VAV3: variants seen among roughly 807,000 people sequenced by gnomAD.
VAV3 encodes vav guanine nucleotide exchange factor 3, also known as guanine nucleotide exchange factor VAV3.
A neutral mutation model predicts 131.2 loss-of-function variants in VAV3; 94 were observed. The observed-to-expected ratio is 0.72, with a 90% CI of 0.61 to 0.85. The LOEUF (loss-of-function observed/expected upper bound fraction) is 0.85. Ranked by LOEUF, VAV3 falls within the 40% of genes least tolerant of loss-of-function variation. The pLI, the probability that VAV3 is intolerant of heterozygous loss-of-function variation, is 0.00. For synonymous variants in VAV3, 349 were observed against 342.0 expected (o/e 1.02, Z -0.22); for missense variants, 939 against 1,002.7 (o/e 0.94, Z 0.86).
chr1:107,851,538 T>C (rs1256606538), intron 2 of VAV3, among the ~76,000 whole-genome samples: 1 of 152,202 alleles, frequency 6.6e-6, no homozygotes, highest in Admixed American at 6.5e-5. Context: ...AACAAGATTT[T>C]CATATTTATT....
chr1:107,653,408 T>C (rs573743686), intron 19 of VAV3, among the ~76,000 whole-genome samples: 101 of 152,158 alleles, frequency 6.6e-4, no homozygotes, highest in African/African-American at 2.0e-3. Context: ...CTTTTATTTA[T>C]AAAATGGTGC....
At chr1:107,635,634 T>TA (rs902260892) in intron 20 of VAV3, among the ~76,000 whole-genome samples, 25 of 152,022 alleles carry the variant, frequency 1.6e-4, no homozygotes, top group African/African-American at 5.8e-4. Context: ...ATAAATTTTT[T>TA]AAAAAATCAC....
Position 107,725,568 on chromosome 1 carries a change from G to A in VAV3, c.1503-20507C>T, listed in dbSNP as rs188514697. On this transcript the variant is annotated intron_variant, in intron 15 of 26. Transcript: ENST00000370056. The stretch of plus-strand genomic sequence containing the variant: ...CTCACTGTGTTGCCCAGTCTGGAGT[G>A]CAGTGACACAATCTTGGCTCACTGC... 7.4e-4 allele frequency among the ~76,000 whole-genome samples: 112 copies of A among 152,216 alleles called. 2 individuals carry two copies. Among genetic ancestry groups the A allele is most frequent in the Non-Finnish European group, 2.4e-4 (16 of 68,012 alleles).
intron 19 of VAV3, among the ~76,000 whole-genome samples, chr1:107,650,463 C>A (rs570243729): frequency 4.4e-4 from 67 of 151,904 alleles, no homozygotes; most frequent in African/African-American, 1.6e-3. Context: ...TGTTTATGTA[C>A]CCCCAAATAC....
At chr1:107,657,207 G>A (rs927329253) in intron 19 of VAV3, among the ~76,000 whole-genome samples, 2 of 151,870 alleles carry the variant, frequency 1.3e-5, no homozygotes, top group African/African-American at 2.4e-5. Flanking sequence ...CGCCCGTCTC[G>A]GCCTCCCAAA....
intron 2 of VAV3, among the ~76,000 whole-genome samples, chr1:107,837,269 T>G (rs1321708498): frequency 1.3e-5 from 2 of 152,154 alleles, no homozygotes; most frequent in East Asian, 1.9e-4. Context: ...GTTCAACATA[T>G]GCAAATCAAT....
At chr1:107,726,577 T>A (rs185877506) in intron 15 of VAV3, among the ~76,000 whole-genome samples, 358 of 152,304 alleles carry the variant, frequency 2.4e-3, no homozygotes, top group East Asian at 8.1e-3. Flanking sequence ...CTAGCAGTTA[T>A]CAAGCTCTCT....
chr1:107,577,206 G>A (rs1000093937), intron 25 of VAV3, among the ~76,000 whole-genome samples: 2 of 152,186 alleles, frequency 1.3e-5, no homozygotes, highest in African/African-American at 2.4e-5. Context: ...AGCTCTAAGA[G>A]GAAGGTACTA....
At position 107,750,571 on chromosome 1, in the gene VAV3, C is replaced by T. The variant is rs1663652773; in HGVS notation, c.1259+546G>A. On this transcript the variant is annotated intron_variant, in intron 13 of 26. Coordinates refer to ENST00000370056, the MANE Select transcript of VAV3 (RefSeq NM_006113.5). ...GGAAGAAGCAAGAGCTGATGCTGCCCCCTACTGGCTTTCGCTTCTCCAAAG... is the reference window on the plus strand; with the variant it reads ...GGAAGAAGCAAGAGCTGATGCTGCCTCCTACTGGCTTTCGCTTCTCCAAAG... Among the ~76,000 whole-genome samples the T allele has an allele frequency of 2.0e-5, 3 of 152,248 alleles. No individual in the cohort carries two copies. The South Asian group carries it at 6.2e-4, about 32-fold the overall frequency.
chr1:107,718,446 G>T (rs376067332), intron 15 of VAV3, among the ~76,000 whole-genome samples: 60 of 151,378 alleles, frequency 4.0e-4, no homozygotes, highest in Non-Finnish European at 5.2e-4. Context: ...ATGAGTGAAC[G>T]CCCATTCACA....
intron 19 of VAV3, among the ~76,000 whole-genome samples, chr1:107,655,554 T>C (rs920662681): frequency 2.6e-5 from 4 of 152,068 alleles, no homozygotes; most frequent in Non-Finnish European, 5.9e-5. Context: ...TCCAGGACAC[T>C]GGTTTGGGAA....
At chr1:107,752,833 C>T (rs1663820977) in intron 12 of VAV3, among the ~76,000 whole-genome samples, 1 of 152,038 alleles carries the variant, frequency 6.6e-6, no homozygotes, top group Non-Finnish European at 1.5e-5. Context: ...AAACTGAAAC[C>T]CTTGTGCATT....
intron 1 of VAV3, among the ~76,000 whole-genome samples, chr1:107,875,436 A>C (rs1309446627): frequency 6.6e-6 from 1 of 152,140 alleles, no homozygotes; most frequent in African/African-American, 2.4e-5. Context: ...ATGGTGGAGC[A>C]GAGATCTGAG....
intron 2 of VAV3, among the ~76,000 whole-genome samples, chr1:107,828,847 G>A (rs1304630748): frequency 6.6e-6 from 1 of 152,112 alleles, no homozygotes; most frequent in Admixed American, 6.6e-5. Context: ...GTTAAGATAT[G>A]GACATCTTAG....
chr1:107,711,134 A>G (rs1356718561), intron 15 of VAV3, among the ~76,000 whole-genome samples: 3 of 152,330 alleles, frequency 2.0e-5, no homozygotes, highest in South Asian at 2.1e-4. Flanking sequence ...TTTAGAGATG[A>G]CAATATTGGG....
intron 2 of VAV3, among the ~76,000 whole-genome samples, chr1:107,805,799 T>G (rs1039687072): frequency 1.3e-5 from 2 of 152,152 alleles, no homozygotes; most frequent in East Asian, 3.9e-4. Context: ...TGCTTATAGA[T>G]TCTTTGTAAT....
intron 17 of VAV3, among the ~76,000 whole-genome samples, chr1:107,703,500 C>CT (rs1660257650): frequency 6.6e-6 from 1 of 152,144 alleles, no homozygotes; most frequent in Non-Finnish European, 1.5e-5. Context: ...ATGCCAAGAT[C>CT]TGTCACTTTA....
rs1034521065 is a variant in VAV3 at position 107,879,025 on chromosome 1, C to G, written c.205-4008G>C. ...TTCTATTTTTGTAATAATCAATTGC[C>G]ATCATTATTTTTTTAATGCTCATAT... On this transcript the variant is annotated intron_variant, in intron 1 of 26. Coordinates refer to ENST00000370056, the MANE Select transcript of VAV3 (RefSeq NM_006113.5). 5.7e-4 allele frequency among the ~76,000 whole-genome samples: 87 copies of G among 151,930 alleles called. 1 individual carries two copies. Among genetic ancestry groups the G allele is most frequent in the Non-Finnish European group, 1.0e-4 (7 of 67,990 alleles).
At chr1:107,606,259 T>C (rs1274139023) in intron 22 of VAV3, among the ~76,000 whole-genome samples, 2 of 152,210 alleles carry the variant, frequency 1.3e-5, no homozygotes, top group Non-Finnish European at 2.9e-5. Flanking sequence ...TGAGAAATTA[T>C]TTTGCCTCTC....
Sources: allele counts gnomAD v4.1 joint callset (sites outside exome capture counted in the v4.1 genomes callset), GRCh38; gene constraint gnomAD v4.1.1; transcripts MANE v1.5; gene names NCBI Gene and HGNC (gene_info 2026-07-23, HGNC 2026-07-21).